RAMACL: variants seen among roughly 807,000 people sequenced by gnomAD.
The protein encoded by RAMACL is RNA guanine-N7 methyltransferase-activating subunit-like protein.
RAMACL carries 9 observed loss-of-function variants against 13.4 expected under a neutral mutation model. The observed-to-expected ratio is 0.67, with a 90% CI of 0.41 to 1.17. The LOEUF (loss-of-function observed/expected upper bound fraction) is 1.17, where lower values mean the gene tolerates loss of function less well. RAMACL is among the 50% of genes most tolerant of loss of function. The pLI, the probability that RAMACL is intolerant of heterozygous loss-of-function variation, is 0.01. For missense variants in RAMACL, 124 were observed against 141.6 expected (o/e 0.88, Z 0.63); for synonymous variants, 39 against 49.3 (o/e 0.79, Z 0.88).
downstream of RAMACL, among the ~76,000 whole-genome samples, chr6:166,585,066 C>T (rs3799605): frequency 4.1e-5 from 6 of 145,384 alleles, no homozygotes; most frequent in East Asian, 7.7e-4. Context: ...GCTGAGCACA[C>T]GTGTGGTGAC....
exon 1 of RAMACL, chr6:166,586,414 T>C: frequency 6.2e-7 from 1 of 1,600,072 alleles, no homozygotes; most frequent in Non-Finnish European, 8.5e-7. Flanking sequence ...TCCTTGTCAT[T>C]TTCTGTGAAT....
downstream of RAMACL, among the ~76,000 whole-genome samples, chr6:166,583,503 C>A (rs960145): frequency 0.6 from 90,911 of 152,114 alleles, 28,979 homozygotes; most frequent in African/African-American, 0.81. Context: ...TCTCTGAGCT[C>A]TGGCCAGGCC....
rs1040925376 is a variant in RAMACL at position 166,586,662 on chromosome 6, C to G, written c.-185G>C. 1.4e-4 allele frequency among the ~76,000 whole-genome samples: 18 copies of G among 124,566 alleles called. 4 individuals carry two copies. Among genetic ancestry groups the G allele is most frequent in the African/African-American group, 1.0e-3 (16 of 15,694 alleles). The allele number at this position is 124,566 out of a possible 152,430, so 81.7% of individuals were successfully genotyped here. ...AGACCACTCCAGTTCTCCAATGTAA[C>G]CGAGCGCCTTCCTCTCCAAACAAGT... On this transcript the variant is annotated 5_prime_UTR_variant, in exon 1 of 1. Coordinates refer to ENST00000444122, the Ensembl canonical transcript of RAMACL.
downstream of RAMACL, among the ~76,000 whole-genome samples, chr6:166,583,071 G>C (rs974653199): frequency 6.6e-6 from 1 of 152,042 alleles, no homozygotes; most frequent in Admixed American, 6.5e-5. Context: ...GCATATACAC[G>C]ATAATTATTT....
downstream of RAMACL, among the ~76,000 whole-genome samples, chr6:166,583,092 T>C (rs1785069173): frequency 6.6e-6 from 1 of 152,186 alleles, no homozygotes; most frequent in South Asian, 2.1e-4. Context: ...CAATATCAAT[T>C]CTAATAAAGA....
downstream of RAMACL, among the ~76,000 whole-genome samples, chr6:166,583,330 G>A (rs1229231751): frequency 6.6e-6 from 1 of 152,028 alleles, no homozygotes; most frequent in Non-Finnish European, 1.5e-5. Flanking sequence ...GGCCTTCTTG[G>A]GGCAAACCAC....
downstream of RAMACL, among the ~76,000 whole-genome samples, chr6:166,584,534 A>G (rs16899193): frequency 0.021 from 3,251 of 152,296 alleles, 118 homozygotes; most frequent in South Asian, 0.11. Context: ...TTATAGCTCT[A>G]TTAGGCCAGT....
At chr6:166,586,298 G>T (rs540791432) in exon 1 of RAMACL, 6 of 1,598,544 alleles carry the variant, frequency 3.8e-6, no homozygotes, top group Non-Finnish European at 8.5e-7. Context: ...ACTGTCTGTT[G>T]TCTTGCAACC....
At chr6:166,583,554 C>T (rs1466042822), downstream of RAMACL, among the ~76,000 whole-genome samples, 1 of 152,240 alleles carries the variant, frequency 6.6e-6, no homozygotes, top group Non-Finnish European at 1.5e-5. Context: ...ACCAGGGTTC[C>T]CCACCCACTG....
downstream of RAMACL, among the ~76,000 whole-genome samples, chr6:166,584,413 G>T (rs1031987643): frequency 1.3e-5 from 2 of 152,192 alleles, no homozygotes; most frequent in South Asian, 4.1e-4. Context: ...AACATGGAGG[G>T]ATACAATTGA....
downstream of RAMACL, among the ~76,000 whole-genome samples, chr6:166,584,616 T>C (rs1352993008): frequency 6.6e-6 from 1 of 152,230 alleles, no homozygotes; most frequent in Non-Finnish European, 1.5e-5. Flanking sequence ...GCTCTCCAGA[T>C]GTTAAGGAAA....
downstream of RAMACL, among the ~76,000 whole-genome samples, chr6:166,583,811 C>G (rs945013594): frequency 6.6e-6 from 1 of 152,236 alleles, no homozygotes; most frequent in African/African-American, 2.4e-5. Flanking sequence ...AATGTGCAAA[C>G]TGGCTGGTTC....
downstream of RAMACL, among the ~76,000 whole-genome samples, chr6:166,584,047 C>G (rs376655499): frequency 6.6e-6 from 1 of 152,196 alleles, no homozygotes; most frequent in Non-Finnish European, 1.5e-5. Flanking sequence ...TTTAAAATGC[C>G]TTGGTGTGTT....
At chr6:166,584,241 T>A (rs547783421), downstream of RAMACL, among the ~76,000 whole-genome samples, 7 of 152,354 alleles carry the variant, frequency 4.6e-5, no homozygotes, top group Middle Eastern at 3.4e-3. Flanking sequence ...CAGCGCCCTT[T>A]CGTGGTGGAG....
At chr6:166,586,468 T>C (rs1489361484) in exon 1 of RAMACL, 10 of 1,598,014 alleles carry the variant, frequency 6.3e-6, no homozygotes, top group Non-Finnish European at 4.2e-6. Context: ...GCTTCGGCAG[T>C]GTCAGTCATT....
chr6:166,583,838 C>A (rs1431138908), downstream of RAMACL, among the ~76,000 whole-genome samples: 1 of 152,202 alleles, frequency 6.6e-6, no homozygotes, highest in African/African-American at 2.4e-5. Flanking sequence ...TTTTCTACAG[C>A]ATTTTACTTC....
exon 1 of RAMACL, chr6:166,586,545 G>A (rs1785180690): frequency 6.8e-6 from 10 of 1,475,304 alleles, no homozygotes; most frequent in Non-Finnish European, 9.2e-6. Flanking sequence ...TCCGCCAAGG[G>A]CTATGTCTAT....
chr6:166,586,141 G>T, exon 1 of RAMACL: 5 of 1,523,516 alleles, frequency 3.3e-6, no homozygotes, highest in Non-Finnish European at 4.4e-6. Context: ...CCGTAAGGAG[G>T]CCGCTGGTTG....
chr6:166,583,320 G>A (rs189384253), downstream of RAMACL, among the ~76,000 whole-genome samples: 138 of 152,276 alleles, frequency 9.1e-4, no homozygotes, highest in African/African-American at 3.2e-3. Flanking sequence ...CAGAGATCAC[G>A]GCCTTCTTGG....
Sources: gnomAD v4.1 joint callset for allele counts (sites outside exome capture counted in the v4.1 genomes callset) on GRCh38, gnomAD v4.1.1 for gene constraint, MANE v1.5 for transcripts, NCBI Gene and HGNC (gene_info 2026-07-23, HGNC 2026-07-21) for gene names.